The following HERC2 variants were observed in gnomAD, a reference collection of about 807,000 sequenced individuals.
HERC2 encodes E3 ubiquitin-protein ligase HERC2.
A neutral mutation model predicts 537.7 loss-of-function variants in HERC2; 102 were observed. That is an observed-to-expected ratio of 0.19 (90% CI 0.16 to 0.22). HERC2 has a LOEUF of 0.22. Among genes scored for constraint, HERC2 ranks in the 10% least tolerant of loss-of-function variants. HERC2 has a pLI of 1.00. For missense variants in HERC2, 4,236 were observed against 6,198.2 expected (o/e 0.68, Z 10.63); for synonymous variants, 2,224 against 2,466.2 (o/e 0.90, Z 2.91).
Position 28,169,661 on chromosome 15 carries a change from A to G in HERC2, c.10058-6T>C. 1 of 1,596,804 alleles carries G rather than the reference A, an allele frequency of 6.3e-7. No homozygotes were observed. The highest frequency in any genetic ancestry group is 2.2e-5 in the East Asian group (1 of 44,712). ...ATCAGCATCTGAAGGCACGCCTATA[A>G]GAGGAAAATAAAATTTGCATTGTTT... On this transcript the variant is annotated splice_region_variant and splice_polypyrimidine_tract_variant and intron_variant, in intron 65 of 92. Coordinates refer to ENST00000261609, the MANE Select transcript of HERC2 (RefSeq NM_004667.6).
chr15:28,220,398 C>G, intron 37 of HERC2, 54 bp downstream of exon 37: 1 of 1,514,540 alleles, frequency 6.6e-7, no homozygotes, highest in Non-Finnish European at 9.1e-7. Context: ...TGGCAGCCAG[C>G]ACCTGGACAG....
chr15:28,214,245 C>A lies in HERC2; in HGVS notation c.6386G>T (p.Arg2129Leu). The A allele has an allele frequency of 3.9e-5, 63 of 1,611,652 alleles. No individual in the cohort carries two copies. The highest frequency in any genetic ancestry group is 5.3e-5 in the Non-Finnish European group (62 of 1,179,664). ...RESTLRRRRVRPQASLTATHS... is the reference protein window; with the variant it reads ...RESTLRRRRVLPQASLTATHS... ...GGTGGCAGTCAGCGAGGCCTGCGGG[C>A]GCACCCTGCGCCGCCTCAGCGTGGA... The change falls in exon 41 of 93, where the codon CGC becomes CTC. Residue 2129 changes from arginine (R) to leucine (L), a missense_variant. Around this residue, in one of 27 missense-constraint regions of HERC2, gnomAD observed 365 missense variants for 468.8 expected, o/e 0.78. Transcript: ENST00000261609.
chr15:28,272,779 A>C lies in HERC2; in HGVS notation c.911+115T>G, dbSNP rs2075772298. The C allele has an allele frequency of 4.5e-6, 3 of 671,700 alleles. No individual in the cohort carries two copies. In the Admixed American group the frequency reaches 8.2e-5, roughly 18 times the overall value. The allele number at this position is 671,700 out of a possible 1,614,324, so 41.6% of individuals were successfully genotyped here. On this transcript the variant is annotated intron_variant, in intron 8 of 92. Transcript: ENST00000261609. ...AGAGCCCTGGGACATGGTTCTCCGT[A>C]CAGAGTACCACATCTGCTGCGGTCA...
Position 28,198,496 on chromosome 15 carries a change from A to G in HERC2, c.7893T>C (p.Pro2631=), listed in dbSNP as rs1362045542. ...TGATGTGAGAAGAAGAACTTGGTGG[A>G]GGATAGCCTACAGATGTCAATAACA... ...RYIHVELIGY[P]PPSSSSHIKI... The change falls in exon 50 of 93, where the codon CCT becomes CCC. Residue 2631 remains proline, a synonymous_variant. Transcript: ENST00000261609. 23 of 1,613,910 alleles carry G rather than the reference A, an allele frequency of 1.4e-5. No individual in the cohort carries two copies. The highest frequency in any genetic ancestry group is 1.9e-5 in the Non-Finnish European group (23 of 1,180,004).
intron 70 of HERC2, among the ~76,000 whole-genome samples, chr15:28,151,200 A>C (rs796611699): frequency 2.0e-5 from 3 of 152,344 alleles, no homozygotes; most frequent in African/African-American, 7.2e-5. Context: ...ATGAAAAATC[A>C]TGAGATATTT....
At position 28,198,362 on chromosome 15, in the gene HERC2, A is replaced by G. The variant is rs1490975472; in HGVS notation, c.8011+16T>C. On this transcript the variant is annotated intron_variant, in intron 50 of 92. Coordinates refer to ENST00000261609, the MANE Select transcript of HERC2 (RefSeq NM_004667.6). Reference sequence around the variant, plus strand: ...AAAAGTTAACATCAGGAATTTTATTACCCAGATAATATTACCTTTCACAAC... The same window carrying G: ...AAAAGTTAACATCAGGAATTTTATTGCCCAGATAATATTACCTTTCACAAC... The G allele has an allele frequency of 6.2e-7, 1 of 1,608,212 alleles. No individual in the cohort carries two copies. Among genetic ancestry groups the G allele is most frequent in the Non-Finnish European group, 8.5e-7 (1 of 1,178,732 alleles).
intron 78 of HERC2, among the ~76,000 whole-genome samples, chr15:28,136,800 G>A (rs1236018247): frequency 1.3e-5 from 2 of 152,146 alleles, no homozygotes; most frequent in Non-Finnish European, 2.9e-5. Context: ...TACAGAAAGT[G>A]TTTACCAACC....
At chr15:28,168,895 G>C (rs1894419373) in intron 66 of HERC2, among the ~76,000 whole-genome samples, 1 of 152,218 alleles carries the variant, frequency 6.6e-6, no homozygotes, top group Non-Finnish European at 1.5e-5. Context: ...TTGGGCTGCT[G>C]TGAGAGCCTG....
chr15:28,208,745 T>C (rs530963031), intron 44 of HERC2, among the ~76,000 whole-genome samples: 24 of 152,342 alleles, frequency 1.6e-4, no homozygotes, highest in Middle Eastern at 6.8e-3. Flanking sequence ...GCAAAGTGCT[T>C]GTCTGCTGGC....
In HERC2 at chr15:28,265,892, T is replaced by C. The variant is rs757261530; in HGVS notation, c.1681A>G (p.Thr561Ala). The stretch of plus-strand genomic sequence containing the variant: ...TCGGCAGTGATGGCCGCACTGTAAG[T>C]GCTCCCGCAAGCGATGTGCACCACG... Reference protein sequence around the residue: ...KHVVHIACGSTYSAAITAEGE... With the variant: ...KHVVHIACGSAYSAAITAEGE... The change falls in exon 13 of 93, where the codon ACT becomes GCT. Residue 561 changes from threonine to alanine, a missense_variant. By Grantham distance (58) the Thr-to-Ala change is moderately conservative. This residue lies in a region of HERC2 where 754 missense variants were observed against 1,085.0 expected (regional missense o/e 0.69). Coordinates refer to ENST00000261609, the MANE Select transcript of HERC2 (RefSeq NM_004667.6). This position sits in a 1 kb window ranked among gnomAD's most constrained non-coding sequence, Gnocchi z 4.0. 6.2e-7 allele frequency: 1 copy of C among 1,614,172 alleles called. No homozygotes were observed. Among genetic ancestry groups the C allele is most frequent in the South Asian group, 1.1e-5 (1 of 91,084 alleles).
intron 83 of HERC2, 92 bp from the exon 84 acceptor site, chr15:28,125,285 C>A: frequency 1.0e-6 from 1 of 1,003,936 alleles, no homozygotes; most frequent in Non-Finnish European, 1.6e-6. Context: ...AGCACCAACG[C>A]TCCCTGCCCT....
intron 15 of HERC2, among the ~76,000 whole-genome samples, chr15:28,261,258 A>G (rs1364052017): frequency 6.6e-6 from 1 of 152,180 alleles, no homozygotes; most frequent in Non-Finnish European, 1.5e-5. Flanking sequence ...TCAGTCAGAA[A>G]GAAACAAGGT....
At chr15:28,285,377 C>T (rs1361190489) in intron 4 of HERC2, among the ~76,000 whole-genome samples, 8 of 152,128 alleles carry the variant, frequency 5.3e-5, no homozygotes, top group African/African-American at 1.9e-4. Flanking sequence ...AATTAGAAGT[C>T]AACAAGAGAA....
chr15:28,199,977 C>A lies in HERC2; in HGVS notation c.7717-1208G>T, dbSNP rs924359253. Among the ~76,000 whole-genome samples the A allele has an allele frequency of 7.2e-4, 109 of 152,158 alleles. 1 individual carries two copies. The highest frequency in any genetic ancestry group is 1.9e-4 in the Non-Finnish European group (13 of 68,030). ...TCATGAATGTTTGTGTCCCCCCCAC[C>A]AAAATTCATGAAGTCCCAACTCCTA... On this transcript the variant is annotated intron_variant, in intron 48 of 92. Transcript: ENST00000261609.
At chr15:28,236,269 T>A (rs77714588) in intron 26 of HERC2, among the ~76,000 whole-genome samples, 12,123 of 151,944 alleles carry the variant, frequency 0.08, 1,641 homozygotes, top group African/African-American at 0.28. Context: ...TATTATTATT[T>A]TTATCATCAT....
intron 37 of HERC2, among the ~76,000 whole-genome samples, chr15:28,219,539 G>A (rs1246355602): frequency 6.6e-6 from 1 of 152,216 alleles, no homozygotes; most frequent in Middle Eastern, 3.2e-3. Context: ...ACGCAGTAGG[G>A]AACACTTCTG....
chr15:28,227,468 GAAA>G (rs1220198016), intron 35 of HERC2, among the ~76,000 whole-genome samples: 1 of 107,124 alleles, frequency 9.3e-6, no homozygotes, highest in African/African-American at 3.2e-5. Context: ...AAAAAAAAAA[GAAA>G]AAAAAAAAAA....
chr15:28,274,786 C>G, intron 6 of HERC2, 119 bp downstream of exon 6: 1 of 768,482 alleles, frequency 1.3e-6, no homozygotes, highest in Non-Finnish European at 2.2e-6. Context: ...AGCAAGGAAA[C>G]TGAGGCACAG....
At chr15:28,115,655 A>T in intron 88 of HERC2, 114 bp from the exon 89 acceptor site, 1 of 689,538 alleles carries the variant, frequency 1.5e-6, no homozygotes, top group Non-Finnish European at 2.6e-6. Flanking sequence ...GAGCCTTCTG[A>T]AGCAGCAACA....
Sources: gnomAD v4.1 joint callset for allele counts (sites outside exome capture counted in the v4.1 genomes callset) on GRCh38, gnomAD v4.1.1 for gene constraint, gnomAD v4.1.1 regional missense constraint, Gnocchi (gnomAD v3.1) non-coding constraint, MANE v1.5 for transcripts, NCBI Gene and HGNC (gene_info 2026-07-23, HGNC 2026-07-21) for gene names.